PAM: variants seen among roughly 807,000 people sequenced by gnomAD.
PAM encodes the protein peptidyl-glycine alpha-amidating monooxygenase.
Under a neutral mutation model 122.1 loss-of-function variants are expected in PAM, and 72 were observed. The ratio of observed to expected loss-of-function variants is 0.59; its 90% CI spans 0.49 to 0.72. PAM has a LOEUF of 0.72. Ranked by LOEUF, PAM falls within the 30% of genes least tolerant of loss-of-function variation. PAM has a pLI of 0.00. For missense variants in PAM, 1,106 were observed against 1,183.7 expected, an observed-to-expected ratio of 0.93 and a Z score of 0.96; for synonymous variants, 389 against 404.4, an observed-to-expected ratio of 0.96 and a Z score of 0.46.
intron 3 of PAM, among the ~76,000 whole-genome samples, chr5:102,897,315 C>T (rs1796492294): frequency 6.6e-6 from 1 of 151,598 alleles, no homozygotes. Context: ...TACCAACTTT[C>T]TGATTAGCTA....
chr5:103,025,183 A>G lies in PAM; in HGVS notation c.2538A>G (p.Glu846=), dbSNP rs1784600275. 1 of 1,613,808 alleles carries G rather than the reference A, an allele frequency of 6.2e-7. No individual in the cohort carries two copies. The highest frequency in any genetic ancestry group is 1.1e-5 in the South Asian group (1 of 91,076). ...TGGAGAACAAACCCACCTCCTCAGA[A>G]TTGCAGAAGATGCAAGAGAAACAGA... The part of the protein sequence containing the change: ...TKMENKPTSS[E]LQKMQEKQKL... The change falls in exon 24 of 26, where the codon GAA becomes GAG. Residue 846 remains glutamate (E), a synonymous_variant. Transcript: ENST00000438793.
chr5:102,914,479 T>C (rs1193768411), intron 5 of PAM, among the ~76,000 whole-genome samples: 1 of 152,054 alleles, frequency 6.6e-6, no homozygotes, highest in African/African-American at 2.4e-5. Context: ...TATGTCCAGG[T>C]GCAGAAGGTT....
chr5:102,756,448 T>G lies in PAM; in HGVS notation c.-374+1100T>G, dbSNP rs187251475. ...AAGATCTTATTGGACTTTGTTTGCT[T>G]CAGATGTTTTACATTCTTTACAATC... On this transcript the variant is annotated intron_variant, in intron 1 of 25. Coordinates refer to ENST00000438793, the MANE Select transcript of PAM (RefSeq NM_001177306.2). 9.4e-3 allele frequency among the ~76,000 whole-genome samples: 1,430 copies of G among 152,326 alleles called. 23 individuals are homozygous for G. The highest frequency in any genetic ancestry group is 0.033 in the African/African-American group (1,367 of 41,576).
At chr5:102,837,451 AT>A (rs1241431437) in intron 1 of PAM, among the ~76,000 whole-genome samples, 1 of 152,182 alleles carries the variant, frequency 6.6e-6, no homozygotes, top group African/African-American at 2.4e-5. Flanking sequence ...ACTGTGTTGT[AT>A]TTTTTAACCA....
intron 15 of PAM, among the ~76,000 whole-genome samples, chr5:102,976,931 C>G (rs1036685443): frequency 1.3e-5 from 2 of 152,128 alleles, no homozygotes; most frequent in African/African-American, 2.4e-5. Context: ...AGATAAACTT[C>G]CCAAGAACAC....
At chr5:102,781,958 G>A (rs753703097) in intron 1 of PAM, among the ~76,000 whole-genome samples, 1 of 152,182 alleles carries the variant, frequency 6.6e-6, no homozygotes, top group African/African-American at 2.4e-5. Flanking sequence ...GCCCAAGGTC[G>A]TAAGGGTAAG....
At chr5:102,899,239 G>T (rs1414048801) in intron 3 of PAM, among the ~76,000 whole-genome samples, 1 of 151,652 alleles carries the variant, frequency 6.6e-6, no homozygotes, top group Non-Finnish European at 1.5e-5. Context: ...TTTAAATTGG[G>T]TGGCTGATGG....
At chr5:102,926,477 TTA>T (rs560999965) in intron 6 of PAM, 106 bp from the exon 7 acceptor site, 5 of 665,506 alleles carry the variant, frequency 7.5e-6, no homozygotes, top group Non-Finnish European at 1.1e-5. Flanking sequence ...TAATATAATT[TTA>T]TATGTTATAT....
chr5:102,956,144 A>G (rs1760661809), intron 12 of PAM, among the ~76,000 whole-genome samples: 2 of 152,122 alleles, frequency 1.3e-5, no homozygotes, highest in South Asian at 4.1e-4. Context: ...ATTTTGAATC[A>G]TAGAATTGGT....
Position 102,886,043 on chromosome 5 carries a change from C to T in PAM, c.211-15313C>T, listed in dbSNP as rs571907653. On this transcript the variant is annotated intron_variant, in intron 3 of 25. Coordinates refer to ENST00000438793, the MANE Select transcript of PAM (RefSeq NM_001177306.2). ...CTCTTTCTTGAACATGCATTCCCCA[C>T]GATTCAAAAATATCAATTGTCAAAA... Among the ~76,000 whole-genome samples the T allele has an allele frequency of 3.3e-5, 5 of 152,026 alleles. No homozygotes were observed. In the East Asian group the frequency reaches 5.8e-4, roughly 18 times the overall value.
At chr5:102,797,861 T>C (rs189125067) in intron 1 of PAM, among the ~76,000 whole-genome samples, 1 of 152,300 alleles carries the variant, frequency 6.6e-6, no homozygotes, top group Non-Finnish European at 1.5e-5. Flanking sequence ...CTACTACTAA[T>C]AATAACACAC....
chr5:102,790,760 T>C (rs960815035), intron 1 of PAM, among the ~76,000 whole-genome samples: 1 of 152,084 alleles, frequency 6.6e-6, no homozygotes, highest in Non-Finnish European at 1.5e-5. Context: ...ATAATTTTAT[T>C]TTTCTGAGCA....
intron 15 of PAM, among the ~76,000 whole-genome samples, chr5:102,978,647 T>G (rs1348129539): frequency 6.6e-6 from 1 of 152,094 alleles, no homozygotes; most frequent in Non-Finnish European, 1.5e-5. Flanking sequence ...TCAGAAGGTG[T>G]TCAATTATTC....
chr5:103,020,503 G>A (rs1345718686), intron 23 of PAM, among the ~76,000 whole-genome samples: 1 of 152,094 alleles, frequency 6.6e-6, no homozygotes, highest in Non-Finnish European at 1.5e-5. Context: ...TTTAGCTATT[G>A]GTAAGCAACC....
chr5:102,863,778 G>A (rs1409311547), intron 1 of PAM, among the ~76,000 whole-genome samples: 1 of 150,204 alleles, frequency 6.7e-6, no homozygotes, highest in Non-Finnish European at 1.5e-5. Flanking sequence ...AATAAAATAG[G>A]TGGACATGTT....
At chr5:102,945,410 C>A (rs1474875002) in intron 7 of PAM, among the ~76,000 whole-genome samples, 4 of 151,444 alleles carry the variant, frequency 2.6e-5, no homozygotes, top group Non-Finnish European at 5.9e-5. Flanking sequence ...AATATAAATT[C>A]AATATTTATA....
At chr5:102,818,586 G>T (rs1361459888) in intron 1 of PAM, among the ~76,000 whole-genome samples, 2 of 152,078 alleles carry the variant, frequency 1.3e-5, no homozygotes, top group Admixed American at 1.3e-4. Flanking sequence ...TCTTTGCTCA[G>T]GATGTCCTTT....
chr5:102,820,777 T>G (rs1003226492), intron 1 of PAM, among the ~76,000 whole-genome samples: 1 of 152,184 alleles, frequency 6.6e-6, no homozygotes, highest in African/African-American at 2.4e-5. Context: ...AAACATGCTA[T>G]GTAGTACTTA....
intron 7 of PAM, among the ~76,000 whole-genome samples, chr5:102,943,671 T>C (rs960673430): frequency 2.0e-5 from 3 of 152,162 alleles, no homozygotes; most frequent in Non-Finnish European, 2.9e-5. Context: ...ACACACTTAA[T>C]CTCTGTGACC....
Sources: allele counts gnomAD v4.1 joint callset (sites outside exome capture counted in the v4.1 genomes callset), GRCh38; gene constraint gnomAD v4.1.1; transcripts MANE v1.5; gene names NCBI Gene and HGNC (gene_info 2026-07-23, HGNC 2026-07-21).